The following LMNB1 variants were observed in gnomAD, a reference collection of about 807,000 sequenced individuals.
The protein encoded by LMNB1 is lamin-B1.
Under a neutral mutation model 67.1 loss-of-function variants are expected in LMNB1, and 23 were observed. That is an observed-to-expected ratio of 0.34 (90% CI 0.25 to 0.49). The LOEUF is 0.49. Ranked by LOEUF, LMNB1 falls within the 20% of genes least tolerant of loss-of-function variation. The pLI is 0.99. For missense variants in LMNB1, 634 were observed against 746.5 expected (o/e 0.85, Z 1.76); for synonymous variants, 281 against 282.9 (o/e 0.99, Z 0.07).
At chr5:126,790,733 T>A in intron 1 of LMNB1, among the ~76,000 whole-genome samples, 1 of 152,070 alleles carries the variant, frequency 6.6e-6, no homozygotes, top group East Asian at 1.9e-4. Context: ...ATTGATAGTT[T>A]GGGTATAGAA....
At chr5:126,813,189 A>C (rs979430018) in intron 5 of LMNB1, among the ~76,000 whole-genome samples, 5 of 152,258 alleles carry the variant, frequency 3.3e-5, no homozygotes, top group African/African-American at 9.6e-5. Context: ...TAATTTAGTT[A>C]ACACAGGGGC....
chr5:126,804,677 A>G (rs761117418), intron 1 of LMNB1, 99 bp from the exon 2 acceptor site: 3 of 1,130,880 alleles, frequency 2.7e-6, no homozygotes, highest in Non-Finnish European at 3.7e-6. Context: ...GGGAGCCTTT[A>G]TTTAAACTAC....
chr5:126,782,241 G>A (rs372302244), intron 1 of LMNB1, among the ~76,000 whole-genome samples: 4 of 152,178 alleles, frequency 2.6e-5, no homozygotes, highest in East Asian at 1.9e-4. Flanking sequence ...TACAGGTCCC[G>A]TATCTTTTCT....
intron 5 of LMNB1, among the ~76,000 whole-genome samples, chr5:126,814,891 AC>A (rs1751671402): frequency 6.6e-6 from 1 of 151,940 alleles, no homozygotes; most frequent in African/African-American, 2.4e-5. Context: ...TTTTTTGTTA[AC>A]CTTATCTTAG....
chr5:126,833,047 A>C (rs1358190630), intron 10 of LMNB1, among the ~76,000 whole-genome samples: 1 of 152,038 alleles, frequency 6.6e-6, no homozygotes, highest in East Asian at 1.9e-4. Flanking sequence ...TTGTTTTCTA[A>C]TGTGCATTAT....
Position 126,777,437 on chromosome 5 carries a change from C to T in LMNB1, c.-72C>T. The T allele has an allele frequency of 7.9e-7, 1 of 1,258,432 alleles. No individual in the cohort carries two copies. 78.0% of individuals were successfully genotyped at this position (1,258,432 alleles called of 1,614,324 possible). A position where few individuals can be genotyped will look rare whatever the true frequency, so the allele number is the denominator to read the frequency against. ...CGGTTTGTGCCTTCGGTCCCCGCTT[C>T]GCCCCCTGCCGTCCCCTCCTTATCA... On this transcript the variant is annotated 5_prime_UTR_variant, in exon 1 of 11. Coordinates refer to ENST00000261366, the MANE Select transcript of LMNB1 (RefSeq NM_005573.4).
In LMNB1 at chr5:126,815,460, G is replaced by A. The variant is rs1751684434; in HGVS notation, c.940-3462G>A. Among the ~76,000 whole-genome samples, 4 of 152,134 alleles carry A rather than the reference G, an allele frequency of 2.6e-5. No individual in the cohort carries two copies. The South Asian group carries it at 8.3e-4, about 32-fold the overall frequency. On this transcript the variant is annotated intron_variant, in intron 5 of 10. Transcript: ENST00000261366. ...TTGCCTTAGAGAAGAGTACAGTATG[G>A]TACTTAAAAACACCTCTAACTTTTG... is the stretch of plus-strand genomic sequence containing the variant.
chr5:126,804,764 A>C lies in LMNB1; in HGVS notation c.360-12A>C. On this transcript the variant is annotated splice_polypyrimidine_tract_variant and intron_variant, in intron 1 of 10. Transcript: ENST00000261366. Reference sequence around the variant, plus strand: ...ATGGTTTGATGTCTTATGCTTTTTAAATCTGTTCCAGCTATGCTAAGAAGG... The same window carrying C: ...ATGGTTTGATGTCTTATGCTTTTTACATCTGTTCCAGCTATGCTAAGAAGG... The C allele has an allele frequency of 6.2e-7, 1 of 1,612,212 alleles. No individual in the cohort carries two copies. Among genetic ancestry groups the C allele is most frequent in the East Asian group, 2.2e-5 (1 of 44,822 alleles).
At chr5:126,810,041 T>C (rs1048134428) in intron 3 of LMNB1, 139 bp from the exon 4 acceptor site, 11 of 626,632 alleles carry the variant, frequency 1.8e-5, no homozygotes, top group Middle Eastern at 4.4e-4. Flanking sequence ...GGCAAAAAAG[T>C]GTTTATTCAC....
At chr5:126,787,546 A>ATATATATATTTTTTTTTTTTTT in intron 1 of LMNB1, among the ~76,000 whole-genome samples, 33 of 65,554 alleles carry the variant, frequency 5.0e-4, no homozygotes, top group South Asian at 5.6e-4. Context: ...ATATATATAT[A>ATATATATATTTTTTTTTTTTTT]TTTTTTTTTT....
Position 126,787,272 on chromosome 5 carries a change from C to T in LMNB1, c.359+9405C>T, listed in dbSNP as rs113718268. On this transcript the variant is annotated intron_variant, in intron 1 of 10. Coordinates refer to ENST00000261366, the MANE Select transcript of LMNB1 (RefSeq NM_005573.4). ...CCGCTACCTAAGGCAGGCTAGGAGC[C>T]GTGTGAAATTTTGAAAGACATCCCA... 4.6e-3 allele frequency among the ~76,000 whole-genome samples: 691 copies of T among 151,796 alleles called. 4 individuals are homozygous for T. Among genetic ancestry groups the T allele is most frequent in the African/African-American group, 0.014 (570 of 41,384 alleles).
chr5:126,787,600 G>C (rs369439473), intron 1 of LMNB1, among the ~76,000 whole-genome samples: 3 of 131,948 alleles, frequency 2.3e-5, no homozygotes, highest in African/African-American at 8.7e-5. Context: ...GCCCAGGCTG[G>C]AGTGCAATGG....
At chr5:126,776,908 C>G (rs767079300), upstream of LMNB1, 1 of 152,238 alleles carries the variant, frequency 6.6e-6, no homozygotes, top group Non-Finnish European at 1.5e-5. Context: ...ACCGCCCAGC[C>G]GGGAGGGCCG....
At chr5:126,817,881 A>G (rs1280418049) in intron 5 of LMNB1, among the ~76,000 whole-genome samples, 1 of 152,132 alleles carries the variant, frequency 6.6e-6, no homozygotes, top group East Asian at 1.9e-4. Context: ...TTGAGTTGTC[A>G]CTTTCTGAGG....
intron 1 of LMNB1, among the ~76,000 whole-genome samples, chr5:126,801,340 A>G (rs1271956050): frequency 6.6e-6 from 1 of 152,148 alleles, no homozygotes; most frequent in Non-Finnish European, 1.5e-5. Flanking sequence ...CAGTAGAAGC[A>G]TTAGTCATGA....
chr5:126,834,425 C>T (rs75356074), intron 10 of LMNB1, among the ~76,000 whole-genome samples: 2,140 of 152,284 alleles, frequency 0.014, 20 homozygotes, highest in East Asian at 0.034. Flanking sequence ...ACGACAATCT[C>T]AATCTCAAGA....
At chr5:126,789,283 A>G (rs1580528066) in intron 1 of LMNB1, among the ~76,000 whole-genome samples, 1 of 152,112 alleles carries the variant, frequency 6.6e-6, no homozygotes, top group Non-Finnish European at 1.5e-5. Flanking sequence ...TTATCTCTCT[A>G]AGGTTGTGTC....
At chr5:126,835,768 G>A (rs1294615049) in intron 10 of LMNB1, among the ~76,000 whole-genome samples, 1 of 152,166 alleles carries the variant, frequency 6.6e-6, no homozygotes, top group Non-Finnish European at 1.5e-5. Flanking sequence ...ATTTGTTGGG[G>A]GGTATTCTAG....
chr5:126,829,622 AG>A (rs755574579), intron 9 of LMNB1, among the ~76,000 whole-genome samples: 1 of 151,894 alleles, frequency 6.6e-6, no homozygotes, highest in African/African-American at 2.4e-5. Flanking sequence ...TGGACAATCC[AG>A]CCCACCAAAT....
Sources: allele counts gnomAD v4.1 joint callset (sites outside exome capture counted in the v4.1 genomes callset), GRCh38; gene constraint gnomAD v4.1.1; transcripts MANE v1.5; gene names NCBI Gene and HGNC (gene_info 2026-07-23, HGNC 2026-07-21).